The following KLHL29 variants were observed in gnomAD, a reference collection of about 807,000 sequenced individuals.
KLHL29 encodes kelch like family member 29, also known as kelch-like protein 29.
In KLHL29, 21 loss-of-function variants were observed where a neutral mutation model predicts 80.4. That is an observed-to-expected ratio of 0.26 (90% CI 0.19 to 0.38). The LOEUF (loss-of-function observed/expected upper bound fraction) is 0.38, where lower values mean the gene tolerates loss of function less well. Ranked by LOEUF, KLHL29 falls within the 10% of genes least tolerant of loss-of-function variation. KLHL29 has a pLI of 1.00. For synonymous variants in KLHL29, 511 were observed against 526.8 expected, an observed-to-expected ratio of 0.97 and a Z score of 0.41; for missense variants, 867 against 1,223.9, an observed-to-expected ratio of 0.71 and a Z score of 4.35.
At chr2:23,494,749 A>C (rs563818518) in intron 2 of KLHL29, among the ~76,000 whole-genome samples, 19 of 143,468 alleles carry the variant, frequency 1.3e-4, no homozygotes, top group Non-Finnish European at 2.7e-4. Context: ...CATCTGGTCC[A>C]GGATGGATTC....
chr2:23,467,788 G>C lies in KLHL29; in HGVS notation c.-153-7772G>C, dbSNP rs74788677. Among the ~76,000 whole-genome samples the C allele has an allele frequency of 5.3e-3, 806 of 152,248 alleles. 8 individuals are homozygous for C. The highest frequency in any genetic ancestry group is 8.5e-3 in the Non-Finnish European group (579 of 68,016). Reference sequence around the variant, plus strand: ...GGCTCTGTGAAGGCTGAAATTCAGGGAGAGAGCTGGAGGGAGCGGAGAGTG... The same window carrying C: ...GGCTCTGTGAAGGCTGAAATTCAGGCAGAGAGCTGGAGGGAGCGGAGAGTG... On this transcript the variant is annotated intron_variant, in intron 1 of 13. Coordinates refer to ENST00000486442, the MANE Select transcript of KLHL29 (RefSeq NM_052920.2).
At chr2:23,570,211 A>G (rs900270233) in intron 3 of KLHL29, among the ~76,000 whole-genome samples, 8 of 152,190 alleles carry the variant, frequency 5.3e-5, no homozygotes, top group African/African-American at 1.7e-4. Flanking sequence ...CTGCTGTCAC[A>G]TGCCTTTCCT....
chr2:23,693,571 G>T (rs1289923961), intron 8 of KLHL29, 43 bp downstream of exon 8: 1 of 1,531,448 alleles, frequency 6.5e-7, no homozygotes, highest in Non-Finnish European at 8.8e-7. Context: ...CTGGGTTTGG[G>T]GTCCCCCTGC....
At chr2:23,666,584 C>A (rs1274488860) in intron 5 of KLHL29, among the ~76,000 whole-genome samples, 2 of 152,200 alleles carry the variant, frequency 1.3e-5, no homozygotes, top group African/African-American at 4.8e-5. Context: ...CAAAGCCCGG[C>A]AGAAGGGGTT....
intron 1 of KLHL29, among the ~76,000 whole-genome samples, chr2:23,418,719 GT>G (rs1558330829): frequency 6.6e-6 from 1 of 152,148 alleles, no homozygotes; most frequent in Non-Finnish European, 1.5e-5. Context: ...TATGAACTTT[GT>G]TAGTGACTTA....
At chr2:23,397,376 A>G (rs554651699) in intron 1 of KLHL29, among the ~76,000 whole-genome samples, 3 of 152,336 alleles carry the variant, frequency 2.0e-5, no homozygotes, top group Admixed American at 2.0e-4. Flanking sequence ...TTCTGCAGAT[A>G]CCACAATAAT....
chr2:23,427,188 G>A (rs1663027676), intron 1 of KLHL29, among the ~76,000 whole-genome samples: 1 of 152,176 alleles, frequency 6.6e-6, no homozygotes. Context: ...CGAAAACTGT[G>A]CAAGAGCCAG....
chr2:23,561,642 A>C (rs1051641936), intron 2 of KLHL29, among the ~76,000 whole-genome samples: 1 of 152,198 alleles, frequency 6.6e-6, no homozygotes, highest in Non-Finnish European at 1.5e-5. Context: ...TCGACCCTCA[A>C]CTGGGAACCA....
chr2:23,567,443 A>G lies in KLHL29; in HGVS notation c.285+4962A>G, dbSNP rs184170581. Among the ~76,000 whole-genome samples the G allele has an allele frequency of 8.3e-4, 126 of 152,356 alleles. 1 individual carries two copies. The highest frequency in any genetic ancestry group is 3.0e-3 in the African/African-American group (125 of 41,590). On this transcript the variant is annotated intron_variant, in intron 3 of 13. Transcript: ENST00000486442. ...GGCCCGAGAAGAACCAAAAGGGGCT[A>G]TGAAATCTGCAGGCTTCATCGTCAA...
chr2:23,514,504 C>T (rs1190195440), intron 2 of KLHL29, among the ~76,000 whole-genome samples: 2 of 152,218 alleles, frequency 1.3e-5, no homozygotes, highest in Admixed American at 6.5e-5. Context: ...TCTCCACCAT[C>T]CTGACGAGTG....
intron 1 of KLHL29, among the ~76,000 whole-genome samples, chr2:23,455,932 A>G (rs956571437): frequency 2.6e-5 from 4 of 152,096 alleles, no homozygotes. Context: ...TGTTTATAAA[A>G]AGAAGACACA....
chr2:23,554,596 G>A (rs923254452), intron 2 of KLHL29, among the ~76,000 whole-genome samples: 7 of 152,148 alleles, frequency 4.6e-5, no homozygotes, highest in African/African-American at 1.7e-4. Context: ...TGTGTGGGCC[G>A]CCACCAGCAG....
chr2:23,593,136 C>T (rs192332149), intron 3 of KLHL29, among the ~76,000 whole-genome samples: 4 of 152,306 alleles, frequency 2.6e-5, no homozygotes, highest in African/African-American at 7.2e-5. Context: ...CCCGGGAGTC[C>T]TTGGGCTGGA....
intron 3 of KLHL29, among the ~76,000 whole-genome samples, chr2:23,626,827 C>T (rs1043726841): frequency 1.6e-4 from 24 of 152,198 alleles, no homozygotes; most frequent in African/African-American, 5.1e-4. Flanking sequence ...CTCCCTTGGA[C>T]GTGAAGGGAG....
Position 23,647,491 on chromosome 2 carries a change from A to T in KLHL29, c.940+4641A>T, listed in dbSNP as rs2149161783. 6.6e-6 allele frequency among the ~76,000 whole-genome samples: 1 copy of T among 152,242 alleles called. No homozygotes were observed. The highest frequency in any genetic ancestry group is 3.4e-3 in the Middle Eastern group (1 of 294). ...AGCCCTTTGTCCACCTCTAGCACTAAGTCTGAAAACTCAATCGATTCAGGT... is the reference window on the plus strand; with the variant it reads ...AGCCCTTTGTCCACCTCTAGCACTATGTCTGAAAACTCAATCGATTCAGGT... On this transcript the variant is annotated intron_variant, in intron 5 of 13. Coordinates refer to ENST00000486442, the MANE Select transcript of KLHL29 (RefSeq NM_052920.2). The surrounding 1 kb of genome is among the most constrained non-coding windows in gnomAD (Gnocchi z 4.9).
At chr2:23,694,280 C>T (rs1671805428) in intron 8 of KLHL29, among the ~76,000 whole-genome samples, 1 of 152,206 alleles carries the variant, frequency 6.6e-6, no homozygotes, top group Non-Finnish European at 1.5e-5. Flanking sequence ...TTAGCTTCCT[C>T]CCACTTCTCC....
chr2:23,502,352 G>A (rs1665473024), intron 2 of KLHL29, among the ~76,000 whole-genome samples: 1 of 152,258 alleles, frequency 6.6e-6, no homozygotes, highest in Non-Finnish European at 1.5e-5. Flanking sequence ...CCAACAAAGA[G>A]AACAGTGTGT....
At chr2:23,401,319 C>T (rs972804303) in intron 1 of KLHL29, among the ~76,000 whole-genome samples, 7 of 152,166 alleles carry the variant, frequency 4.6e-5, no homozygotes, top group Admixed American at 1.3e-4. Flanking sequence ...TCTCTCCATT[C>T]AGAAACCGTA....
At chr2:23,638,165 C>T (rs1259505804) in intron 3 of KLHL29, among the ~76,000 whole-genome samples, 2 of 147,118 alleles carry the variant, frequency 1.4e-5, no homozygotes, top group African/African-American at 5.0e-5. Context: ...CCAAGAATAA[C>T]ATCCCTGTTA....
Sources: gnomAD v4.1 joint callset for allele counts (sites outside exome capture counted in the v4.1 genomes callset) on GRCh38, gnomAD v4.1.1 for gene constraint, Gnocchi (gnomAD v3.1) non-coding constraint, MANE v1.5 for transcripts, NCBI Gene and HGNC (gene_info 2026-07-23, HGNC 2026-07-21) for gene names.